The following ABCG1 variants were observed in gnomAD, a reference collection of about 807,000 sequenced individuals.
ABCG1 encodes the protein ATP-binding cassette sub-family G member 1.
ABCG1 carries 29 observed loss-of-function variants against 69.2 expected under a neutral mutation model. The ratio of observed to expected loss-of-function variants is 0.42; its 90% CI spans 0.31 to 0.57. The LOEUF is 0.57. ABCG1 is among the 20% of genes least tolerant of loss of function. The pLI, the probability that ABCG1 is intolerant of heterozygous loss-of-function variation, is 0.15. For synonymous variants in ABCG1, 370 were observed against 374.8 expected, an observed-to-expected ratio of 0.99 and a Z score of 0.15; for missense variants, 718 against 898.1, an observed-to-expected ratio of 0.80 and a Z score of 2.56.
intron 2 of ABCG1, among the ~76,000 whole-genome samples, chr21:42,226,403 G>A (rs1336639745): frequency 6.6e-6 from 1 of 152,152 alleles, no homozygotes; most frequent in Non-Finnish European, 1.5e-5. Context: ...GGTTGTGGTA[G>A]GCTAGAAAGA....
At chr21:42,295,137 A>G (rs2146361030) in intron 14 of ABCG1, 1 of 155,764 alleles carries the variant, frequency 6.4e-6, no homozygotes, top group South Asian at 1.9e-4. Context: ...CCTGGCCAAC[A>G]TGGCGAAACC....
intron 2 of ABCG1, among the ~76,000 whole-genome samples, chr21:42,252,471 A>C (rs1168491083): frequency 6.6e-6 from 1 of 152,194 alleles, no homozygotes; most frequent in Non-Finnish European, 1.5e-5. Context: ...CTGAGAGCAC[A>C]GAGAAACACA....
Position 42,296,595 on chromosome 21 carries a change from T to G in ABCG1, c.*203T>G. Reference sequence around the variant, plus strand: ...CTTCTCTCCATTCCCCTTTCTAGCTTTAACTAGGAAGATGTAGGCAGATTG... The same window carrying G: ...CTTCTCTCCATTCCCCTTTCTAGCTGTAACTAGGAAGATGTAGGCAGATTG... On this transcript the variant is annotated 3_prime_UTR_variant, in exon 15 of 15. Transcript: ENST00000398449. The surrounding 1 kb of genome is among the most constrained non-coding windows in gnomAD (Gnocchi z 5.4). 1 of 580,488 alleles carries G rather than the reference T, an allele frequency of 1.7e-6. No individual in the cohort carries two copies. Among genetic ancestry groups the G allele is most frequent in the Non-Finnish European group, 3.1e-6 (1 of 324,520 alleles). 36.0% of individuals were successfully genotyped at this position (580,488 alleles called of 1,614,324 possible).
chr21:42,293,609 C>CCACACTA (rs376666261), intron 13 of ABCG1, among the ~76,000 whole-genome samples: 2 of 139,200 alleles, frequency 1.4e-5, no homozygotes. Flanking sequence ...ACAGTACACA[C>CCACACTA]CACACTACAC....
upstream of ABCG1, among the ~76,000 whole-genome samples, chr21:42,212,620 C>T (rs139655144): frequency 4.6e-3 from 701 of 152,190 alleles, 5 homozygotes; most frequent in African/African-American, 0.016. Context: ...AAGAAACACT[C>T]TAAACCATGT....
Position 42,250,257 on chromosome 21 carries a change from G to C in ABCG1, c.287-20813G>C, listed in dbSNP as rs11702801. ...GGGTGGCACATCCCATTGAAGCCAT[G>C]TTCCCAGGGGACAAGCAGAGTGGAC... On this transcript the variant is annotated intron_variant, in intron 2 of 14. Coordinates refer to ENST00000398449, the MANE Select transcript of ABCG1 (RefSeq NM_016818.3). 5.0e-3 allele frequency among the ~76,000 whole-genome samples: 757 copies of C among 152,252 alleles called. 1 individual carries two copies. Among genetic ancestry groups the C allele is most frequent in the Non-Finnish European group, 7.8e-3 (533 of 68,016 alleles).
intron 14 of ABCG1, among the ~76,000 whole-genome samples, chr21:42,295,828 C>T (rs367670003): frequency 3.7e-4 from 56 of 152,300 alleles, no homozygotes; most frequent in Middle Eastern, 3.4e-3. Flanking sequence ...GGCTGGCCCA[C>T]GATTCCCTCC....
upstream of ABCG1, among the ~76,000 whole-genome samples, chr21:42,211,903 AAAAAC>A (rs755546108): frequency 6.6e-5 from 10 of 152,182 alleles, no homozygotes; most frequent in South Asian, 8.3e-4. Context: ...ACAAAAATCA[AAAAAC>A]AAAACAAAAC....
In ABCG1 at chr21:42,294,669, C is replaced by T. The variant is rs765355068; in HGVS notation, c.1772+9C>T. The T allele has an allele frequency of 2.4e-5, 38 of 1,609,794 alleles. No homozygotes were observed. The South Asian group carries it at 2.7e-4, about 12-fold the overall frequency. ...TACATCTCCTATGTCAGGTAGCGGG[C>T]GTGGGGCACGCATGGCGTGGGGACC... is the stretch of plus-strand genomic sequence containing the variant. On this transcript the variant is annotated intron_variant, in intron 14 of 14. Coordinates refer to ENST00000398449, the MANE Select transcript of ABCG1 (RefSeq NM_016818.3).
chr21:42,258,762 G>T lies in ABCG1; in HGVS notation c.287-12308G>T, dbSNP rs555223107. Among the ~76,000 whole-genome samples, 4 of 152,318 alleles carry T rather than the reference G, an allele frequency of 2.6e-5. No homozygotes were observed. In the South Asian group the frequency reaches 8.3e-4, roughly 32 times the overall value. On this transcript the variant is annotated intron_variant, in intron 2 of 14. Transcript: ENST00000398449. ...CCTGCTGGCAGCTGCTGTAAGACTCGGGATGAGGGCTGCCCCCTGCAGGTG... is the reference window on the plus strand; with the variant it reads ...CCTGCTGGCAGCTGCTGTAAGACTCTGGATGAGGGCTGCCCCCTGCAGGTG...
chr21:42,264,541 TCATCCATC>T (rs2068469683), intron 2 of ABCG1, among the ~76,000 whole-genome samples: 1 of 151,968 alleles, frequency 6.6e-6, no homozygotes, highest in Non-Finnish European at 1.5e-5. Context: ...ATTCATCCAT[TCATCCATC>T]CATTCAGCGA....
At chr21:42,244,162 C>T (rs1228129048) in intron 2 of ABCG1, among the ~76,000 whole-genome samples, 2 of 152,324 alleles carry the variant, frequency 1.3e-5, no homozygotes, top group South Asian at 2.1e-4. Flanking sequence ...TCTTTTCTTG[C>T]TAAAACATCA....
intron 5 of ABCG1, 90 bp downstream of exon 5, chr21:42,277,035 C>A: frequency 7.1e-7 from 1 of 1,412,806 alleles, no homozygotes; most frequent in Non-Finnish European, 1.0e-6. Flanking sequence ...TTGGCATTGG[C>A]TTTTGTTTGT....
chr21:42,281,986 G>A (rs2068818304), intron 5 of ABCG1, among the ~76,000 whole-genome samples: 1 of 152,264 alleles, frequency 6.6e-6, no homozygotes, highest in African/African-American at 2.4e-5. Flanking sequence ...TATGACTGAT[G>A]AGGATGCAGG....
intron 4 of ABCG1, among the ~76,000 whole-genome samples, chr21:42,274,532 T>C (rs995084111): frequency 1.2e-4 from 17 of 145,406 alleles, no homozygotes; most frequent in African/African-American, 4.2e-4. Context: ...TGGAATGCAG[T>C]GGCACGATCT....
intron 2 of ABCG1, among the ~76,000 whole-genome samples, chr21:42,251,207 CA>C (rs1233900496): frequency 3.9e-5 from 6 of 152,260 alleles, no homozygotes; most frequent in African/African-American, 1.4e-4. Context: ...GATGAGTCTG[CA>C]AATTGAACAA....
intron 2 of ABCG1, among the ~76,000 whole-genome samples, chr21:42,243,057 G>T (rs2068075187): frequency 6.6e-6 from 1 of 152,190 alleles, no homozygotes; most frequent in East Asian, 1.9e-4. Context: ...GGAGCAGGAG[G>T]TGGCATCACC....
rs1008706822 is a variant in ABCG1, at chr21:42,202,613, C to CT, written c.48+901dup. 5.8e-3 allele frequency among the ~76,000 whole-genome samples: 842 copies of CT among 145,598 alleles called. 7 individuals are homozygous for CT. Among genetic ancestry groups the CT allele is most frequent in the Non-Finnish European group, 9.7e-3 (639 of 65,654 alleles). On this transcript the variant is annotated intron_variant, in intron 2 of 15. Coordinates refer to the ABCG1 transcript ENST00000398457. ...TCAACAGTCACAACAGTCTCTCTCC[C>CT]TTTTTTTTTTTCGTTTGAGACAAGG... is the stretch of plus-strand genomic sequence containing the variant.
At chr21:42,267,330 G>T (rs1411611219) in intron 2 of ABCG1, among the ~76,000 whole-genome samples, 1 of 151,974 alleles carries the variant, frequency 6.6e-6, no homozygotes. Flanking sequence ...TCTAGACCTG[G>T]TCTGGGTGTG....
Sources: gnomAD v4.1 joint callset for allele counts (sites outside exome capture counted in the v4.1 genomes callset) on GRCh38, gnomAD v4.1.1 for gene constraint, Gnocchi (gnomAD v3.1) non-coding constraint, MANE v1.5 for transcripts, NCBI Gene and HGNC (gene_info 2026-07-23, HGNC 2026-07-21) for gene names.